The following NTN1 variants were observed in gnomAD, a reference collection of about 807,000 sequenced individuals.
NTN1 encodes the protein netrin 1, also known as netrin-1.
Under a neutral mutation model 54.2 loss-of-function variants are expected in NTN1, and 11 were observed. That is an observed-to-expected ratio of 0.20 (90% CI 0.13 to 0.34). The LOEUF is 0.34. Among genes scored for constraint, NTN1 ranks in the 10% least tolerant of loss-of-function variants. The probability of loss-of-function intolerance (pLI) is 1.00; values close to 1 mark genes in which losing one functional copy is unlikely to be tolerated. For missense variants in NTN1, 740 were observed against 893.1 expected, an observed-to-expected ratio of 0.83 and a Z score of 2.18; for synonymous variants, 371 against 382.0, an observed-to-expected ratio of 0.97 and a Z score of 0.33.
intron 5 of NTN1, among the ~76,000 whole-genome samples, chr17:9,213,233 G>A (rs1905150026): frequency 6.6e-6 from 1 of 152,262 alleles, no homozygotes; most frequent in Admixed American, 6.5e-5. Context: ...CCCTGGGACA[G>A]AGCACGTCCG....
At chr17:9,154,408 T>A (rs188446985) in intron 2 of NTN1, among the ~76,000 whole-genome samples, 2 of 152,234 alleles carry the variant, frequency 1.3e-5, no homozygotes, top group African/African-American at 2.4e-5. Context: ...AGTCTGGGCT[T>A]GGATTGTTTT....
intron 2 of NTN1, among the ~76,000 whole-genome samples, chr17:9,039,701 C>T (rs1233409117): frequency 6.6e-6 from 1 of 152,176 alleles, no homozygotes; most frequent in African/African-American, 2.4e-5. Flanking sequence ...CATTGTATAT[C>T]TGTTTGCCTT....
chr17:9,047,096 G>A (rs898427908), intron 2 of NTN1, among the ~76,000 whole-genome samples: 1 of 152,170 alleles, frequency 6.6e-6, no homozygotes, highest in Admixed American at 6.5e-5. Context: ...AAATGCTAAC[G>A]ATCACCTGAG....
chr17:9,164,076 A>G (rs1250697239), intron 3 of NTN1, among the ~76,000 whole-genome samples: 1 of 152,266 alleles, frequency 6.6e-6, no homozygotes, highest in African/African-American at 2.4e-5. Flanking sequence ...CAAAAGTATC[A>G]TCTTCTTAAC....
At chr17:9,232,673 C>A (rs1051445348) in intron 6 of NTN1, among the ~76,000 whole-genome samples, 3 of 152,172 alleles carry the variant, frequency 2.0e-5, no homozygotes, top group Non-Finnish European at 4.4e-5. Context: ...AGTTGCCAGG[C>A]CTGGCCACAG....
chr17:9,066,881 A>T (rs72660225), intron 2 of NTN1, among the ~76,000 whole-genome samples: 3 of 151,438 alleles, frequency 2.0e-5, no homozygotes, highest in African/African-American at 2.4e-5. Context: ...CATGCCTGCA[A>T]TCCCAGCTAC....
At chr17:9,072,913 G>A (rs1285335777) in intron 2 of NTN1, among the ~76,000 whole-genome samples, 1 of 152,200 alleles carries the variant, frequency 6.6e-6, no homozygotes. Flanking sequence ...TCCGGAATGG[G>A]ACTGTTTACT....
intron 5 of NTN1, among the ~76,000 whole-genome samples, chr17:9,210,111 C>T (rs1484976392): frequency 6.6e-6 from 1 of 152,144 alleles, no homozygotes; most frequent in African/African-American, 2.4e-5. Context: ...ACTCATCTCT[C>T]AGCTGCTGCC....
At chr17:9,053,271 C>G (rs144822346) in intron 2 of NTN1, among the ~76,000 whole-genome samples, 2 of 152,324 alleles carry the variant, frequency 1.3e-5, no homozygotes, top group East Asian at 3.9e-4. Flanking sequence ...GTTGACCCTT[C>G]TCCTAAGCCT....
chr17:9,153,194 G>A (rs984046808), intron 2 of NTN1, among the ~76,000 whole-genome samples: 12 of 152,084 alleles, frequency 7.9e-5, no homozygotes, highest in Non-Finnish European at 1.5e-4. Context: ...GCTTGAACCC[G>A]GGAGGCAGAG....
intron 2 of NTN1, among the ~76,000 whole-genome samples, chr17:9,087,689 G>A (rs1447522514): frequency 1.3e-5 from 2 of 152,224 alleles, no homozygotes; most frequent in Non-Finnish European, 1.5e-5. Context: ...CCAGAGGATT[G>A]AATCAAGCTG....
chr17:9,232,109 C>T (rs1482738553), intron 6 of NTN1, among the ~76,000 whole-genome samples: 1 of 152,164 alleles, frequency 6.6e-6, no homozygotes, highest in Non-Finnish European at 1.5e-5. Context: ...ACTCTGACAG[C>T]CATGTCCCTG....
At chr17:9,103,668 A>G (rs892821741) in intron 2 of NTN1, among the ~76,000 whole-genome samples, 1 of 152,150 alleles carries the variant, frequency 6.6e-6, no homozygotes, top group African/African-American at 2.4e-5. Context: ...CAGCATGAGA[A>G]TGGACTAATA....
At chr17:9,181,018 T>C (rs1236044497) in intron 4 of NTN1, among the ~76,000 whole-genome samples, 1 of 152,154 alleles carries the variant, frequency 6.6e-6, no homozygotes, top group Admixed American at 6.5e-5. Context: ...AATTAGGAGT[T>C]CTCAGGTTGC....
At chr17:9,167,706 C>T (rs1400207080) in intron 3 of NTN1, among the ~76,000 whole-genome samples, 1 of 152,212 alleles carries the variant, frequency 6.6e-6, no homozygotes, top group East Asian at 1.9e-4. Flanking sequence ...TCCGTCCACC[C>T]CTTATTTCTT....
At chr17:9,217,365 AGT>A (rs2142352120) in intron 5 of NTN1, among the ~76,000 whole-genome samples, 1 of 152,312 alleles carries the variant, frequency 6.6e-6, no homozygotes, top group South Asian at 2.1e-4. Context: ...TTTTGGCACT[AGT>A]GTGAATGTTC....
chr17:9,147,889 G>A (rs951263040), intron 2 of NTN1, among the ~76,000 whole-genome samples: 2 of 152,210 alleles, frequency 1.3e-5, no homozygotes, highest in Non-Finnish European at 2.9e-5. Flanking sequence ...CAGAATTGGG[G>A]TTCAGATTTT....
At chr17:9,179,698 C>G in intron 3 of NTN1, 109 bp from the exon 4 acceptor site, 1 of 1,373,882 alleles carries the variant, frequency 7.3e-7, no homozygotes, top group Non-Finnish European at 9.8e-7. Flanking sequence ...CATCGCTGCT[C>G]TTCCTCCAGG....
chr17:9,208,930 C>T (rs1905032300), intron 5 of NTN1, among the ~76,000 whole-genome samples: 3 of 152,240 alleles, frequency 2.0e-5, no homozygotes, highest in African/African-American at 7.2e-5. Flanking sequence ...CATCTCAGAT[C>T]TCAGCTCTCC....
Sources: allele counts gnomAD v4.1 joint callset (sites outside exome capture counted in the v4.1 genomes callset), GRCh38; gene constraint gnomAD v4.1.1; transcripts MANE v1.5; gene names NCBI Gene and HGNC (gene_info 2026-07-23, HGNC 2026-07-21).